The following AFDN variants were observed in gnomAD, a reference collection of about 807,000 sequenced individuals.
AFDN encodes afadin.
Under a neutral mutation model 216.6 loss-of-function variants are expected in AFDN, and 68 were observed. That is an observed-to-expected ratio of 0.31 (90% CI 0.26 to 0.38). The LOEUF (loss-of-function observed/expected upper bound fraction) is 0.38. AFDN is among the 10% of genes least tolerant of loss of function. The probability of loss-of-function intolerance (pLI) is 1.00; values close to 1 mark genes in which losing one functional copy is unlikely to be tolerated. For missense variants in AFDN, 2,136 were observed against 2,342.0 expected (o/e 0.91, Z 1.82); for synonymous variants, 868 against 853.7 (o/e 1.02, Z -0.29).
Position 167,951,441 on chromosome 6 carries a change from G to A in AFDN, c.4087G>A (p.Val1363Ile), listed in dbSNP as rs533166937. ...PAAIPATPVA[V>I]SQPIRTDLPP... is the part of the protein sequence containing the mutation. ...AGCCATACCGGCCACCCCTGTGGCC[G>A]TCTCCCAGCCAATCCGAACAGACCT... The change falls in exon 30 of 34, where the codon GTC becomes ATC. Residue 1363 changes from valine to isoleucine, a missense_variant. Val to Ile is a conservative substitution (Grantham distance 29, BLOSUM62 3). Coordinates refer to ENST00000683244, the MANE Select transcript of AFDN (RefSeq NM_001386888.1). This position sits in a 1 kb window ranked among gnomAD's most constrained non-coding sequence, Gnocchi z 7.1. 6 of 1,614,040 alleles carry A rather than the reference G, an allele frequency of 3.7e-6. No individual in the cohort carries two copies. The African/African-American group carries it at 4.0e-5, about 11-fold the overall frequency.
chr6:167,854,344 C>T (rs1321305731), intron 1 of AFDN, among the ~76,000 whole-genome samples: 1 of 151,878 alleles, frequency 6.6e-6, no homozygotes, highest in Admixed American at 6.6e-5. Flanking sequence ...AATTATATTT[C>T]TTTCTGTGAA....
intron 5 of AFDN, 136 bp downstream of exon 5, chr6:167,875,631 T>A: frequency 1.1e-6 from 1 of 908,436 alleles, no homozygotes; most frequent in Non-Finnish European, 1.7e-6. Flanking sequence ...ACCATATACT[T>A]CTGGTACAAA....
intron 24 of AFDN, 25 bp downstream of exon 24, chr6:167,943,219 C>A: frequency 6.3e-7 from 1 of 1,596,120 alleles, no homozygotes; most frequent in South Asian, 1.1e-5. Flanking sequence ...GAAAGAAGTA[C>A]ATTTTCAGTG....
intron 9 of AFDN, among the ~76,000 whole-genome samples, chr6:167,894,400 A>G (rs971933154): frequency 6.6e-5 from 10 of 152,156 alleles, no homozygotes; most frequent in African/African-American, 2.4e-4. Context: ...TTGGGCAGAA[A>G]TTGACTATTT....
rs770116061 is a variant in AFDN at position 167,890,850 on chromosome 6, C to T, written c.1010-12C>T. On this transcript the variant is annotated splice_polypyrimidine_tract_variant and intron_variant, in intron 7 of 33. Transcript: ENST00000683244. ...TGAGTCTGCCTGATGATTTCCCATG[C>T]TGCTGTTCTAGGGATTTTAGTCTTT... 1.2e-6 allele frequency: 2 copies of T among 1,611,184 alleles called. No individual in the cohort carries two copies. Among genetic ancestry groups the T allele is most frequent in the South Asian group, 2.2e-5 (2 of 90,434 alleles).
rs753328707 is a variant in AFDN at position 167,924,505 on chromosome 6, G to A, written c.3013-500G>A. ...AGTCCTGCAGCGGCCCTGGTGCTGT[G>A]ATTTAAAATAAAATGACTGCTGGGT... is the stretch of plus-strand genomic sequence containing the variant. On this transcript the variant is annotated intron_variant, in intron 22 of 33. Transcript: ENST00000683244. Among the ~76,000 whole-genome samples, 9 of 152,296 alleles carry A rather than the reference G, an allele frequency of 5.9e-5. 1 individual carries two copies. The highest frequency in any genetic ancestry group is 4.6e-4 in the Admixed American group (7 of 15,302).
chr6:167,875,254 G>A, intron 4 of AFDN, 81 bp from the exon 5 acceptor site: 1 of 1,389,918 alleles, frequency 7.2e-7, no homozygotes, highest in Non-Finnish European at 9.9e-7. Flanking sequence ...CTGCCATTTT[G>A]ATTTTTGTGC....
chr6:167,826,570 C>T (rs1779069791), upstream of AFDN: 1 of 527,032 alleles, frequency 1.9e-6, no homozygotes, highest in South Asian at 1.4e-5. Flanking sequence ...CCGGACTCTG[C>T]ACCGCGCGTC....
chr6:167,968,307 G>C (rs1168311149), intron 32 of AFDN: 1 of 152,204 alleles, frequency 6.6e-6, no homozygotes. Flanking sequence ...CCCTCTGCAG[G>C]GTGGTGGGAA....
At chr6:167,959,616 G>A (rs1283912153) in intron 30 of AFDN, among the ~76,000 whole-genome samples, 1 of 152,006 alleles carries the variant, frequency 6.6e-6, no homozygotes, top group African/African-American at 2.4e-5. Flanking sequence ...TTGTCAAAAA[G>A]TAAAGGGTAT....
intron 11 of AFDN, among the ~76,000 whole-genome samples, chr6:167,899,298 C>T (rs547936528): frequency 1.6e-4 from 25 of 152,198 alleles, no homozygotes; most frequent in African/African-American, 5.8e-4. Flanking sequence ...AGATCCATCC[C>T]CAGCTGCTCA....
Position 167,914,705 on chromosome 6 carries a change from C to G in AFDN, c.2266C>G (p.Pro756Ala). The G allele has an allele frequency of 6.2e-7, 1 of 1,613,426 alleles. No homozygotes were observed. Among genetic ancestry groups the G allele is most frequent in the East Asian group, 2.2e-5 (1 of 44,840 alleles). ...NNYMPAFLDD[P>A]EENSLQRPKI... The stretch of plus-strand genomic sequence containing the variant: ...TTACATGCCAGCCTTTCTAGATGAC[C>G]CTGAAGAGAACAGTCTGCAACGACC... Residue 756 changes from proline to alanine, a missense_variant, in exon 18 of 34, where the codon CCT becomes GCT. By Grantham distance (27) the Pro-to-Ala change is conservative. This residue lies in a region of AFDN where 817 missense variants were observed against 965.7 expected (regional missense o/e 0.85). Transcript: ENST00000683244.
At chr6:167,889,435 C>CTTG (rs532886397) in intron 7 of AFDN, 109 bp downstream of exon 7, 71 of 770,464 alleles carry the variant, frequency 9.2e-5, no homozygotes, top group South Asian at 7.9e-5. Flanking sequence ...TTTGGATGGC[C>CTTG]TTGTTGTTGT....
At chr6:167,861,987 A>G (rs908441858) in intron 1 of AFDN, among the ~76,000 whole-genome samples, 3 of 152,216 alleles carry the variant, frequency 2.0e-5, no homozygotes, top group Non-Finnish European at 4.4e-5. Context: ...AGTTTTGCCA[A>G]TGAATATTTT....
intron 10 of AFDN, 137 bp from the exon 11 acceptor site, chr6:167,898,068 C>T (rs750884111): frequency 8.8e-6 from 8 of 911,252 alleles, no homozygotes; most frequent in Non-Finnish European, 1.3e-5. Context: ...GAGGGAAATC[C>T]ACTTTAAAAG....
chr6:167,927,856 A>G (rs1243861913), intron 23 of AFDN, among the ~76,000 whole-genome samples: 1 of 152,230 alleles, frequency 6.6e-6, no homozygotes, highest in Non-Finnish European at 1.5e-5. Flanking sequence ...ACTGTCAGCC[A>G]TAGAGCTATG....
At position 167,915,151 on chromosome 6, in the gene AFDN, T is replaced by A. The variant is rs1790889857; in HGVS notation, c.2300-17T>A. The A allele has an allele frequency of 1.9e-6, 3 of 1,612,886 alleles. No homozygotes were observed. The highest frequency in any genetic ancestry group is 2.5e-6 in the Non-Finnish European group (3 of 1,179,480). The stretch of plus-strand genomic sequence containing the variant: ...ATGACATTTTGCTCCTCTTGTCCTC[T>A]CACCCTGTCTGGGCAGATGATGTGC... On this transcript the variant is annotated splice_polypyrimidine_tract_variant and intron_variant, in intron 18 of 33. Coordinates refer to ENST00000683244, the MANE Select transcript of AFDN (RefSeq NM_001386888.1).
chr6:167,901,307 T>C (rs555761296), intron 11 of AFDN, among the ~76,000 whole-genome samples: 3 of 152,280 alleles, frequency 2.0e-5, no homozygotes, highest in Non-Finnish European at 4.4e-5. Flanking sequence ...TAGGGCTTTT[T>C]TTTGTGGAGG....
intron 9 of AFDN, among the ~76,000 whole-genome samples, chr6:167,894,247 C>T (rs1190761846): frequency 6.6e-6 from 1 of 152,114 alleles, no homozygotes; most frequent in African/African-American, 2.4e-5. Context: ...GCCAGTCTGC[C>T]TCCCTTCATC....
Sources: gnomAD v4.1 joint callset for allele counts (sites outside exome capture counted in the v4.1 genomes callset) on GRCh38, gnomAD v4.1.1 for gene constraint, gnomAD v4.1.1 regional missense constraint, Gnocchi (gnomAD v3.1) non-coding constraint, MANE v1.5 for transcripts, NCBI Gene and HGNC (gene_info 2026-07-23, HGNC 2026-07-21) for gene names.